Variants in GCM2 observed in about 807,000 individuals in gnomAD.
GCM2 encodes GCM transcription factor 2.
In GCM2, 21 loss-of-function variants were observed where a neutral mutation model predicts 24.8. That is an observed-to-expected ratio of 0.85 (90% CI 0.60 to 1.22). GCM2 has a LOEUF of 1.22. GCM2 is among the 50% of genes most tolerant of loss of function. GCM2 has a pLI of 0.00. For synonymous variants in GCM2, 222 were observed against 238.0 expected (o/e 0.93, Z 0.62); for missense variants, 532 against 645.6 (o/e 0.82, Z 1.91).
chr6:10,881,748 C>T lies in GCM2; in HGVS notation c.46G>A (p.Gly16Arg). 1 of 1,611,178 alleles carries T rather than the reference C, an allele frequency of 6.2e-7. No individual in the cohort carries two copies. The highest frequency in any genetic ancestry group is 2.2e-5 in the East Asian group (1 of 44,876). ...TTGATGTCCCAGCTGAGCTGCATCC[C>T]GTAGGAGCACACGCCGACCGCTTCC... ...VQEAVGVCSY[G>R]MQLSWDINDP... is the part of the protein sequence containing the mutation. Residue 16 changes from glycine (G) to arginine (R), a missense_variant, in exon 1 of 5, where the codon GGG becomes AGG. Physicochemically the swap from Gly to Arg is moderately radical, Grantham distance 125. This residue lies in a region of GCM2 where 96 missense variants were observed against 103.5 expected (regional missense o/e 0.93). Coordinates refer to ENST00000379491, the MANE Select transcript of GCM2 (RefSeq NM_004752.4).
intron 4 of GCM2, among the ~76,000 whole-genome samples, chr6:10,875,192 C>A (rs962991301): frequency 6.6e-6 from 1 of 152,136 alleles, no homozygotes; most frequent in East Asian, 1.9e-4. Context: ...GGCAGATGGT[C>A]CTGTTCTCAC....
Position 10,881,968 on chromosome 6 carries a change from C to A in GCM2, c.-175G>T. The A allele has an allele frequency of 1.5e-6, 1 of 654,380 alleles. No homozygotes were observed. Among genetic ancestry groups the A allele is most frequent in the Non-Finnish European group, 2.7e-6 (1 of 366,034 alleles). 40.5% of individuals were successfully genotyped at this position (654,380 alleles called of 1,614,324 possible). On this transcript the variant is annotated 5_prime_UTR_variant, in exon 1 of 5. Transcript: ENST00000379491. Reference sequence around the variant, plus strand: ...TGTTTAGATATCTGGAAGCTGGGGACAATGGTTATGGACCCGGGCGGGGCC... The same window carrying A: ...TGTTTAGATATCTGGAAGCTGGGGAAAATGGTTATGGACCCGGGCGGGGCC...
chr6:10,876,135 A>T, intron 3 of GCM2, 119 bp from the exon 4 acceptor site: 1 of 1,099,486 alleles, frequency 9.1e-7, no homozygotes, highest in Non-Finnish European at 1.4e-6. Flanking sequence ...TTCTTTCAAA[A>T]TGACAGAAAA....
intron 4 of GCM2, 36 bp from the exon 5 acceptor site, chr6:10,874,969 T>C (rs754845101): frequency 1.4e-6 from 2 of 1,412,408 alleles, no homozygotes; most frequent in Non-Finnish European, 2.0e-6. Flanking sequence ...ACACGCTATG[T>C]AAATCGTGTG....
At position 10,876,435 on chromosome 6, in the gene GCM2, C is replaced by T. The variant is rs1779879823; in HGVS notation, c.456+10G>A. ...GTATCCATCACAAATTGTGTTCTCA[C>T]CTGACCTACCTGAAAAAAGATCGCG... On this transcript the variant is annotated intron_variant, in intron 3 of 4. Transcript: ENST00000379491. The T allele has an allele frequency of 3.2e-6, 5 of 1,565,984 alleles. No individual in the cohort carries two copies. The East Asian group carries it at 6.7e-5, about 21-fold the overall frequency.
intron 1 of GCM2, 96 bp downstream of exon 1, chr6:10,881,588 GTGTGTGTGTGTGTGTGTGTA>G: frequency 1.5e-6 from 1 of 646,434 alleles, no homozygotes; most frequent in Non-Finnish European, 2.7e-6. Context: ...GTGTGTGTGT[GTGTGTGTGTGTGTGTGTGTA>G]TGGTCCGTCC....
intron 3 of GCM2, 105 bp downstream of exon 3, chr6:10,876,340 C>T (rs1779876905): frequency 1.3e-6 from 1 of 798,556 alleles, no homozygotes; most frequent in Admixed American, 1.9e-5. Flanking sequence ...GCCACTGGGG[C>T]TGTATTTTGT....
Position 10,876,510 on chromosome 6 carries a change from G to T in GCM2, c.391C>A (p.Arg131=). 6.2e-7 allele frequency: 1 copy of T among 1,613,958 alleles called. No homozygotes were observed. Among genetic ancestry groups the T allele is most frequent in the Non-Finnish European group, 8.5e-7 (1 of 1,179,860 alleles). ...GTTACGGGGTATCCGCTGTGCCCTCGACAAGGAATCAACTCCAAAGCAGAA... is the reference window on the plus strand; with the variant it reads ...GTTACGGGGTATCCGCTGTGCCCTCTACAAGGAATCAACTCCAAAGCAGAA... ...CHSALELIPC[R]GHSGYPVTNF... Residue 131 remains arginine, a synonymous_variant, in exon 3 of 5, where the codon CGA becomes AGA. Transcript: ENST00000379491.
At chr6:10,879,969 G>A (rs1779935543) in intron 1 of GCM2, among the ~76,000 whole-genome samples, 1 of 152,074 alleles carries the variant, frequency 6.6e-6, no homozygotes, top group Non-Finnish European at 1.5e-5. Context: ...TAAAACAAAG[G>A]AGTGGGCCAG....
At chr6:10,878,912 A>G (rs1779920084) in intron 1 of GCM2, among the ~76,000 whole-genome samples, 2 of 152,204 alleles carry the variant, frequency 1.3e-5, no homozygotes. Context: ...TAATAGCAGT[A>G]AGCCATTTGC....
chr6:10,874,387 G>T lies in GCM2; in HGVS notation c.1129C>A (p.Pro377Thr). The change falls in exon 5 of 5, where the codon CCT (proline) becomes ACT (threonine). Residue 377 changes from proline (P) to threonine (T), a missense_variant. By Grantham distance (38) the Pro-to-Thr change is conservative. Coordinates refer to ENST00000379491, the MANE Select transcript of GCM2 (RefSeq NM_004752.4). ...GTGGTGATCACGGTTTGTAGGGCAG[G>T]GGCACCTGGTGGTGGAGTCGTGAGG... is the stretch of plus-strand genomic sequence containing the variant. ...RYLTTPPPGA[P>T]ALQTVITTTT... is the part of the protein sequence containing the mutation. 6.2e-7 allele frequency: 1 copy of T among 1,614,194 alleles called. No homozygotes were observed. Among genetic ancestry groups the T allele is most frequent in the Non-Finnish European group, 8.5e-7 (1 of 1,180,034 alleles).
In GCM2 at chr6:10,874,814, G is replaced by C. The variant is rs780051088; in HGVS notation, c.702C>G (p.Ser234=). The C allele has an allele frequency of 1.2e-6, 2 of 1,613,074 alleles. No individual in the cohort carries two copies. The highest frequency in any genetic ancestry group is 2.2e-5 in the South Asian group (2 of 91,048). ...SFPIPGQPCP[S]FPKSDVYKAT... is the part of the protein sequence containing the mutation. ...CTTTGTAAACATCAGACTTTGGGAAGGAAGGGCAAGGCTGCCCTGGAATAG... is the reference window on the plus strand; with the variant it reads ...CTTTGTAAACATCAGACTTTGGGAACGAAGGGCAAGGCTGCCCTGGAATAG... Residue 234 remains serine, a synonymous_variant, in exon 5 of 5, where the codon TCC becomes TCG. Coordinates refer to ENST00000379491, the MANE Select transcript of GCM2 (RefSeq NM_004752.4).
In GCM2 at chr6:10,874,649, G is replaced by A; in HGVS notation, c.867C>T (p.Pro289=). Residue 289 remains proline, a synonymous_variant, in exon 5 of 5, where the codon CCC becomes CCT. Transcript: ENST00000379491. ...NPGYTNSSPY[P]TLYKDSTSIP... Reference sequence around the variant, plus strand: ...TACTGGTGGAATCCTTATAAAGGGTGGGATATGGGCTTGAATTTGTATAAC... The same window carrying A: ...TACTGGTGGAATCCTTATAAAGGGTAGGATATGGGCTTGAATTTGTATAAC... The A allele has an allele frequency of 6.2e-7, 1 of 1,614,192 alleles. No homozygotes were observed. The highest frequency in any genetic ancestry group is 2.2e-5 in the East Asian group (1 of 44,886).
chr6:10,879,383 C>A (rs557577978), intron 1 of GCM2, among the ~76,000 whole-genome samples: 1 of 152,250 alleles, frequency 6.6e-6, no homozygotes, highest in Admixed American at 6.5e-5. Context: ...GGCAATGAAG[C>A]CACAGAGATT....
chr6:10,874,019 A>T lies in GCM2; in HGVS notation c.1497T>A (p.Phe499Leu). 1 of 1,613,988 alleles carries T rather than the reference A, an allele frequency of 6.2e-7. No individual in the cohort carries two copies. The highest frequency in any genetic ancestry group is 8.5e-7 in the Non-Finnish European group (1 of 1,179,884). Residue 499 changes from phenylalanine (F) to leucine (L), a missense_variant, in exon 5 of 5, where the codon TTT becomes TTA. Transcript: ENST00000379491. ...TTCAAAAATCCTCATTGTTGTAGGT[A>T]AAGAAGGGACCCACTCTGTCTGAGT... is the stretch of plus-strand genomic sequence containing the variant. ...VSYSDRVGPFFTYNNEDF is the reference protein window; with the variant it reads ...VSYSDRVGPFLTYNNEDF
At chr6:10,875,096 G>C (rs1043823446) in intron 4 of GCM2, among the ~76,000 whole-genome samples, 163 bp from the exon 5 acceptor site, 50 of 152,294 alleles carry the variant, frequency 3.3e-4, no homozygotes, top group Non-Finnish European at 3.5e-4. Context: ...GTGGTCCAGG[G>C]GTTGCTAAGC....
chr6:10,873,636 A>C lies in GCM2; in HGVS notation c.*359T>G. On this transcript the variant is annotated 3_prime_UTR_variant, in exon 5 of 5. Transcript: ENST00000379491. ...GATGTGAAATTCCCTAAGGTGCTCT[A>C]ATGGGAAAAGTCCTAGAATAAGAAC... The C allele has an allele frequency of 3.1e-6, 1 of 320,112 alleles. No homozygotes were observed. Among genetic ancestry groups the C allele is most frequent in the Non-Finnish European group, 6.0e-6 (1 of 166,116 alleles). 19.8% of individuals were successfully genotyped at this position (320,112 alleles called of 1,614,324 possible).
In GCM2 at chr6:10,882,006, G is replaced by T; in HGVS notation, c.-213C>A. The stretch of plus-strand genomic sequence containing the variant: ...CCCGGGCGGGGCCTTGTCCTTGGCC[G>T]CGGTGCTGAACGTTCTCCACCCGAA... On this transcript the variant is annotated 5_prime_UTR_variant, in exon 1 of 5. Coordinates refer to ENST00000379491, the MANE Select transcript of GCM2 (RefSeq NM_004752.4). The T allele has an allele frequency of 3.4e-6, 2 of 580,274 alleles. No individual in the cohort carries two copies. The highest frequency in any genetic ancestry group is 6.2e-6 in the Non-Finnish European group (2 of 323,558). The allele number at this position is 580,274 out of a possible 1,614,324, so 35.9% of individuals were successfully genotyped here. A position where few individuals can be genotyped will look rare whatever the true frequency, so the allele number is the denominator to read the frequency against.
intron 3 of GCM2, among the ~76,000 whole-genome samples, 193 bp downstream of exon 3, chr6:10,876,252 T>C (rs770081679): frequency 1.8e-4 from 27 of 152,200 alleles, no homozygotes; most frequent in Non-Finnish European, 3.1e-4. Context: ...ACCATCTGTG[T>C]ACCTTAAAGA....
Sources: allele counts gnomAD v4.1 joint callset (sites outside exome capture counted in the v4.1 genomes callset), GRCh38; gene constraint gnomAD v4.1.1; regional missense constraint gnomAD v4.1.1; transcripts MANE v1.5; gene names NCBI Gene and HGNC (gene_info 2026-07-23, HGNC 2026-07-21).